The following SLC35F4 variants were observed in gnomAD, a reference collection of about 807,000 sequenced individuals.
The protein encoded by SLC35F4 is chromosome 14 open reading frame 36.
A neutral mutation model predicts 44.2 loss-of-function variants in SLC35F4; 24 were observed. The ratio of observed to expected loss-of-function variants is 0.54; its 90% CI spans 0.39 to 0.76. SLC35F4 has a LOEUF of 0.76. SLC35F4 is among the 30% of genes least tolerant of loss of function. The pLI, the probability that SLC35F4 is intolerant of heterozygous loss-of-function variation, is 0.00. For missense variants in SLC35F4, 562 were observed against 586.1 expected (o/e 0.96, Z 0.42); for synonymous variants, 238 against 223.6 (o/e 1.06, Z -0.57).
intron 1 of SLC35F4, among the ~76,000 whole-genome samples, chr14:57,937,664 A>C (rs1889839768): frequency 6.6e-6 from 1 of 151,836 alleles, no homozygotes; most frequent in African/African-American, 2.4e-5. Context: ...AAAGAAAAGA[A>C]AAAGATATCA....
At chr14:57,920,253 G>A (rs910197019) in intron 1 of SLC35F4, among the ~76,000 whole-genome samples, 10 of 152,104 alleles carry the variant, frequency 6.6e-5, no homozygotes. Context: ...TAATTCCCAA[G>A]TCAGATATGA....
chr14:57,773,322 TAACTCACC>T (rs961446795), intron 1 of SLC35F4, among the ~76,000 whole-genome samples: 8 of 152,232 alleles, frequency 5.3e-5, no homozygotes, highest in Non-Finnish European at 1.0e-4. Context: ...CACATATACA[TAACTCACC>T]AACTCTACAA....
chr14:57,737,963 A>C (rs959539442), intron 1 of SLC35F4, among the ~76,000 whole-genome samples: 2 of 152,250 alleles, frequency 1.3e-5, no homozygotes, highest in Non-Finnish European at 2.9e-5. Flanking sequence ...GGCAGAAAAA[A>C]AGCAATTCTA....
chr14:57,886,386 G>T (rs991870413), intron 1 of SLC35F4, among the ~76,000 whole-genome samples: 1 of 152,084 alleles, frequency 6.6e-6, no homozygotes, highest in African/African-American at 2.4e-5. Context: ...CACTTAGGTT[G>T]TTGACAGAAT....
At chr14:57,660,517 G>A (rs1413565314) in intron 1 of SLC35F4, among the ~76,000 whole-genome samples, 1 of 147,786 alleles carries the variant, frequency 6.8e-6, no homozygotes, top group Non-Finnish European at 1.5e-5. Context: ...TCATGCCCTT[G>A]TGTGGTCACA....
intron 1 of SLC35F4, among the ~76,000 whole-genome samples, chr14:57,875,711 T>C (rs1025826464): frequency 7.2e-5 from 11 of 152,214 alleles, no homozygotes; most frequent in Non-Finnish European, 1.3e-4. Flanking sequence ...AGGCCTAGAC[T>C]CAGAACTTGC....
At chr14:57,831,916 A>G in intron 1 of SLC35F4, among the ~76,000 whole-genome samples, 1 of 152,240 alleles carries the variant, frequency 6.6e-6, no homozygotes, top group East Asian at 1.9e-4. Context: ...CTTCCTAATC[A>G]TAAGTGTATA....
intron 1 of SLC35F4, among the ~76,000 whole-genome samples, chr14:57,931,984 T>C (rs1889706232): frequency 6.6e-6 from 1 of 152,258 alleles, no homozygotes; most frequent in Non-Finnish European, 1.5e-5. Context: ...CAAATCTACT[T>C]ATTTACTCTT....
At chr14:57,698,315 T>TA (rs1765064571) in intron 1 of SLC35F4, among the ~76,000 whole-genome samples, 1 of 152,208 alleles carries the variant, frequency 6.6e-6, no homozygotes, top group Non-Finnish European at 1.5e-5. Flanking sequence ...AGGGCACACT[T>TA]ACGATTATAT....
intron 1 of SLC35F4, among the ~76,000 whole-genome samples, chr14:57,759,542 TG>T (rs1268011206): frequency 6.6e-6 from 1 of 152,086 alleles, no homozygotes; most frequent in Non-Finnish European, 1.5e-5. Context: ...TTTGTGCCAC[TG>T]CACTCCAGCC....
intron 1 of SLC35F4, among the ~76,000 whole-genome samples, chr14:57,959,238 G>C (rs1890298720): frequency 6.6e-6 from 1 of 152,156 alleles, no homozygotes; most frequent in African/African-American, 2.4e-5. Context: ...TTAACTTTAA[G>C]AATAATAAAA....
rs375806279 is a variant in SLC35F4 at position 57,584,432 on chromosome 14, C to T, written c.588-2999G>A. On this transcript the variant is annotated intron_variant, in intron 3 of 7. Coordinates refer to ENST00000556826, the MANE Select transcript of SLC35F4 (RefSeq NM_001306087.2). The stretch of plus-strand genomic sequence containing the variant: ...TTCCCTTGTTCAGTCATGAGAGCTT[C>T]GGGAGTAACTTCTGGAGTAACTTCT... 1.2e-4 allele frequency among the ~76,000 whole-genome samples: 19 copies of T among 152,116 alleles called. No homozygotes were observed. The East Asian group carries it at 1.7e-3, about 14-fold the overall frequency.
chr14:57,679,977 C>T (rs1310057752), intron 1 of SLC35F4, among the ~76,000 whole-genome samples: 5 of 152,064 alleles, frequency 3.3e-5, no homozygotes, highest in African/African-American at 1.2e-4. Flanking sequence ...CCTTCTGAAA[C>T]TATTCCAAAC....
chr14:57,858,612 C>T lies in SLC35F4; in HGVS notation c.103+7111G>A, dbSNP rs138194090. ...AGTTAATGGGTGCAGCACACCAACA[C>T]GGCGCATGTATACATATGTAACAAA... is the stretch of plus-strand genomic sequence containing the variant. On this transcript the variant is annotated intron_variant, in intron 1 of 7. Coordinates refer to ENST00000556826, the MANE Select transcript of SLC35F4 (RefSeq NM_001306087.2). 0.022 allele frequency among the ~76,000 whole-genome samples: 3,396 copies of T among 151,292 alleles called. 437 individuals are homozygous for T. In the East Asian group the frequency reaches 0.39, roughly 18 times the overall value.
At chr14:57,759,993 T>C (rs1453739231) in intron 1 of SLC35F4, among the ~76,000 whole-genome samples, 7 of 152,076 alleles carry the variant, frequency 4.6e-5, no homozygotes, top group African/African-American at 1.4e-4. Context: ...TTCTTTTTAC[T>C]CTGTTCATTG....
intron 1 of SLC35F4, among the ~76,000 whole-genome samples, chr14:57,929,203 C>T (rs1594631968): frequency 1.3e-5 from 2 of 152,158 alleles, no homozygotes; most frequent in Admixed American, 1.3e-4. Flanking sequence ...CAATGGCTGG[C>T]CAAACAAATT....
chr14:57,980,339 T>C (rs1210697432), intron 1 of SLC35F4, among the ~76,000 whole-genome samples: 3 of 152,174 alleles, frequency 2.0e-5, no homozygotes, highest in Admixed American at 1.3e-4. Context: ...TGGAGGCAAA[T>C]GGGACTTCCT....
chr14:57,746,267 T>C (rs1040233598), intron 1 of SLC35F4, among the ~76,000 whole-genome samples: 1 of 152,050 alleles, frequency 6.6e-6, no homozygotes, highest in South Asian at 2.1e-4. Context: ...TGATTCACCA[T>C]TGTTTATGAT....
At chr14:57,926,717 A>T (rs375838051) in intron 1 of SLC35F4, among the ~76,000 whole-genome samples, 1,435 of 54,274 alleles carry the variant, frequency 0.026, 14 homozygotes, top group Middle Eastern at 0.11. Context: ...ATAACAATGA[A>T]GTAGGGTTGG....
Sources: gnomAD v4.1 joint callset for allele counts (sites outside exome capture counted in the v4.1 genomes callset) on GRCh38, gnomAD v4.1.1 for gene constraint, MANE v1.5 for transcripts, NCBI Gene and HGNC (gene_info 2026-07-23, HGNC 2026-07-21) for gene names.